Variants in PPP2R2B observed in about 807,000 individuals in gnomAD.
The protein encoded by PPP2R2B is protein phosphatase 2 regulatory subunit Bbeta, also known as serine/threonine-protein phosphatase 2A 55 kDa regulatory subunit B beta isoform.
A neutral mutation model predicts 46.0 loss-of-function variants in PPP2R2B; 5 were observed. The ratio of observed to expected loss-of-function variants is 0.11; its 90% CI spans 0.06 to 0.23. The LOEUF (loss-of-function observed/expected upper bound fraction) is 0.23, where lower values mean the gene tolerates loss of function less well. PPP2R2B is among the 10% of genes least tolerant of loss of function. The pLI, the probability that PPP2R2B is intolerant of heterozygous loss-of-function variation, is 1.00. For synonymous variants in PPP2R2B, 215 were observed against 206.7 expected (o/e 1.04, Z -0.34); for missense variants, 367 against 575.0 (o/e 0.64, Z 3.70).
intron 2 of PPP2R2B, among the ~76,000 whole-genome samples, chr5:146,716,150 A>T (rs1386460641): frequency 6.7e-6 from 1 of 149,158 alleles, no homozygotes; most frequent in Non-Finnish European, 1.5e-5. Flanking sequence ...TTTGCAAAAA[A>T]CACTTGTTTA....
intron 1 of PPP2R2B, among the ~76,000 whole-genome samples, chr5:147,025,123 TAAG>T (rs1394260676): frequency 6.6e-6 from 1 of 152,080 alleles, no homozygotes; most frequent in Non-Finnish European, 1.5e-5. Context: ...TTACAGACTT[TAAG>T]AAGAAAATAA....
In PPP2R2B at chr5:147,051,753, CTTTTTTTTTTT is replaced by C. The variant is rs60522229; in HGVS notation, c.79+3901_79+3911del. Among the ~76,000 whole-genome samples the C allele has an allele frequency of 3.6e-3, 332 of 92,374 alleles. 3 individuals carry two copies. The highest frequency in any genetic ancestry group is 0.014 in the African/African-American group (313 of 21,716). 60.6% of individuals were successfully genotyped at this position (92,374 alleles called of 152,430 possible). On this transcript the variant is annotated intron_variant, in intron 1 of 8. Transcript: ENST00000336640. ...GACTCTCTCATTTCTGTTTTGCTTC[CTTTTTTTTTTT>C]TTTTTTTTTTTTTTTTGAGATGGAG...
chr5:146,999,834 G>A (rs1340020305), intron 1 of PPP2R2B, among the ~76,000 whole-genome samples: 1 of 152,182 alleles, frequency 6.6e-6, no homozygotes, highest in Non-Finnish European at 1.5e-5. Context: ...TGTGTCATAT[G>A]AAGGCATTGG....
At chr5:146,740,603 ACACAC>A (rs1752814363) in intron 2 of PPP2R2B, among the ~76,000 whole-genome samples, 1 of 148,600 alleles carries the variant, frequency 6.7e-6, no homozygotes, top group African/African-American at 2.6e-5. Flanking sequence ...ACACACACAC[ACACAC>A]ACACACACAC....
chr5:146,858,990 CAG>C (rs2151390665), intron 2 of PPP2R2B, among the ~76,000 whole-genome samples: 1 of 152,296 alleles, frequency 6.6e-6, no homozygotes, highest in African/African-American at 2.4e-5. Flanking sequence ...CAGTGTCTTA[CAG>C]AGAGTCAGCA....
At chr5:146,680,507 G>T (rs1240591928) in intron 5 of PPP2R2B, among the ~76,000 whole-genome samples, 1 of 151,610 alleles carries the variant, frequency 6.6e-6, no homozygotes, top group Non-Finnish European at 1.5e-5. Context: ...TGACTAACCT[G>T]CACAATGTGC....
intron 2 of PPP2R2B, among the ~76,000 whole-genome samples, chr5:146,715,026 T>C (rs1334397682): frequency 6.6e-6 from 1 of 152,200 alleles, no homozygotes; most frequent in Non-Finnish European, 1.5e-5. Context: ...CAAGATCACT[T>C]CCACATGGGT....
Position 146,963,109 on chromosome 5 carries a change from C to T in PPP2R2B, c.79+92556G>A, listed in dbSNP as rs149803881. Among the ~76,000 whole-genome samples the T allele has an allele frequency of 5.6e-3, 854 of 152,312 alleles. 7 individuals carry two copies. Among genetic ancestry groups the T allele is most frequent in the African/African-American group, 0.017 (714 of 41,568 alleles). The stretch of plus-strand genomic sequence containing the variant: ...AGAACAAATTGTATAAAGTGAGCTA[C>T]ACCTCAAGCTCTTTGCTTTGCTTCC... On this transcript the variant is annotated intron_variant, in intron 1 of 8. Transcript: ENST00000336640.
intron 1 of PPP2R2B, among the ~76,000 whole-genome samples, chr5:146,984,249 C>A (rs757521393): frequency 1.2e-4 from 18 of 152,268 alleles, no homozygotes; most frequent in Non-Finnish European, 2.4e-4. Flanking sequence ...TCTTCTCATT[C>A]CTCCAACCTC....
intron 5 of PPP2R2B, among the ~76,000 whole-genome samples, chr5:146,680,051 A>G (rs1386634182): frequency 6.6e-6 from 1 of 150,784 alleles, no homozygotes; most frequent in Non-Finnish European, 1.5e-5. Flanking sequence ...CTGGGTATAT[A>G]CCCAAAGGAC....
intron 1 of PPP2R2B, among the ~76,000 whole-genome samples, chr5:146,901,364 G>T (rs1341403022): frequency 1.3e-5 from 2 of 152,036 alleles, no homozygotes; most frequent in African/African-American, 2.4e-5. Flanking sequence ...AATTAGCCAG[G>T]TGTTGTGACA....
chr5:146,762,936 G>A (rs149983207), intron 2 of PPP2R2B, among the ~76,000 whole-genome samples: 56 of 152,248 alleles, frequency 3.7e-4, no homozygotes, highest in African/African-American at 1.3e-3. Flanking sequence ...ATCTGACTAC[G>A]GTCACTTTGA....
At chr5:146,888,058 C>T (rs1209831827) in intron 1 of PPP2R2B, among the ~76,000 whole-genome samples, 1 of 152,110 alleles carries the variant, frequency 6.6e-6, no homozygotes, top group African/African-American at 2.4e-5. Context: ...TCTCTTTATT[C>T]TCCTACTGCC....
chr5:147,017,534 A>G (rs562835794), intron 1 of PPP2R2B, among the ~76,000 whole-genome samples: 1 of 151,698 alleles, frequency 6.6e-6, no homozygotes, highest in South Asian at 2.1e-4. Context: ...TGGTGAACAC[A>G]GCATTTAAAG....
At chr5:147,033,483 T>C (rs1231657875) in intron 1 of PPP2R2B, among the ~76,000 whole-genome samples, 1 of 152,192 alleles carries the variant, frequency 6.6e-6, no homozygotes, top group Admixed American at 6.5e-5. Context: ...GTAACAGATA[T>C]GAATGACTAT....
At chr5:146,902,390 C>T (rs968955446) in intron 1 of PPP2R2B, among the ~76,000 whole-genome samples, 3 of 152,074 alleles carry the variant, frequency 2.0e-5, no homozygotes, top group Admixed American at 6.6e-5. Flanking sequence ...GCTTTTATTA[C>T]GACTCATCTA....
At chr5:147,016,855 A>T (rs955029454) in intron 1 of PPP2R2B, among the ~76,000 whole-genome samples, 5 of 151,696 alleles carry the variant, frequency 3.3e-5, no homozygotes, top group Non-Finnish European at 7.3e-5. Flanking sequence ...TTTAGGCATG[A>T]TCACAGCTTC....
intron 2 of PPP2R2B, among the ~76,000 whole-genome samples, chr5:146,869,584 T>A (rs1310513693): frequency 6.6e-6 from 1 of 152,120 alleles, no homozygotes; most frequent in East Asian, 1.9e-4. Flanking sequence ...CAACTATATA[T>A]CTGTACATGT....
In PPP2R2B at chr5:146,935,414, C is replaced by G. The variant is rs1764106973; in HGVS notation, c.79+120251G>C. Among the ~76,000 whole-genome samples, 3 of 152,296 alleles carry G rather than the reference C, an allele frequency of 2.0e-5. No homozygotes were observed. In the South Asian group the frequency reaches 6.2e-4, roughly 32 times the overall value. On this transcript the variant is annotated intron_variant, in intron 1 of 8. Transcript: ENST00000336640. ...ATAAATTTTTGTTGTTTATAAGGTA[C>G]TCAGCTTATGATATTTTATTATAGC...
Sources: allele counts gnomAD v4.1 joint callset (sites outside exome capture counted in the v4.1 genomes callset), GRCh38; gene constraint gnomAD v4.1.1; transcripts MANE v1.5; gene names NCBI Gene and HGNC (gene_info 2026-07-23, HGNC 2026-07-21).